ALK: variants seen among roughly 807,000 people sequenced by gnomAD.
ALK encodes ALK receptor tyrosine kinase, also known as ALK tyrosine kinase receptor.
In ALK, 74 loss-of-function variants were observed where a neutral mutation model predicts 163.1. The observed-to-expected ratio is 0.45, with a 90% CI of 0.38 to 0.55. ALK has a LOEUF of 0.55. Ranked by LOEUF, ALK falls within the 20% of genes least tolerant of loss-of-function variation. The probability of loss-of-function intolerance (pLI) is 0.00; values close to 1 mark genes in which losing one functional copy is unlikely to be tolerated. For synonymous variants in ALK, 960 were observed against 843.2 expected, an observed-to-expected ratio of 1.14 and a Z score of -2.40; for missense variants, 2,063 against 2,105.3, an observed-to-expected ratio of 0.98 and a Z score of 0.39.
At chr2:29,475,298 T>C (rs4493213) in intron 4 of ALK, among the ~76,000 whole-genome samples, 127,400 of 152,040 alleles carry the variant, frequency 0.84, 53,706 homozygotes, top group Non-Finnish European at 0.89. Flanking sequence ...AGAGGAAGAC[T>C]GCCCTTTACT....
intron 9 of ALK, among the ~76,000 whole-genome samples, chr2:29,288,979 T>A (rs199741753): frequency 0.079 from 9,695 of 122,406 alleles, 1,128 homozygotes; most frequent in East Asian, 0.11. Flanking sequence ...AATAAATAAA[T>A]AAATAAATAA....
chr2:29,279,151 G>A (rs1316529192), intron 9 of ALK, among the ~76,000 whole-genome samples: 2 of 152,196 alleles, frequency 1.3e-5, no homozygotes, highest in African/African-American at 4.8e-5. Flanking sequence ...GGCTGAGGCT[G>A]GAATGGTTTC....
At chr2:29,586,909 G>A (rs993484879) in intron 3 of ALK, among the ~76,000 whole-genome samples, 1 of 152,160 alleles carries the variant, frequency 6.6e-6, no homozygotes. Context: ...TATTTTTGAA[G>A]ATGTTTAGCT....
chr2:29,444,906 AT>A (rs1458635205), intron 4 of ALK, among the ~76,000 whole-genome samples: 9 of 152,120 alleles, frequency 5.9e-5, no homozygotes, highest in Non-Finnish European at 1.0e-4. Flanking sequence ...GCTTACCCAA[AT>A]TTACAGGATT....
chr2:29,871,747 T>C (rs947285625), intron 1 of ALK, among the ~76,000 whole-genome samples: 1 of 152,148 alleles, frequency 6.6e-6, no homozygotes, highest in Non-Finnish European at 1.5e-5. Context: ...TTATTTTACA[T>C]AGGAGAAAAA....
intron 3 of ALK, among the ~76,000 whole-genome samples, chr2:29,632,177 C>T (rs143432249): frequency 2.0e-5 from 3 of 152,292 alleles, no homozygotes; most frequent in Admixed American, 2.0e-4. Flanking sequence ...TGGTGCAGAG[C>T]TTTGCACAAA....
At chr2:29,415,454 G>A (rs1669852777) in intron 4 of ALK, among the ~76,000 whole-genome samples, 1 of 151,964 alleles carries the variant, frequency 6.6e-6, no homozygotes, top group South Asian at 2.1e-4. Context: ...ACCTAGCCTG[G>A]TATGCTCTCC....
At chr2:29,810,081 TC>T (rs1267452513) in intron 1 of ALK, among the ~76,000 whole-genome samples, 1 of 152,222 alleles carries the variant, frequency 6.6e-6, no homozygotes. Flanking sequence ...GGTAAAATTT[TC>T]TCCTTCACAA....
chr2:29,852,189 T>C (rs890074560), intron 1 of ALK, among the ~76,000 whole-genome samples: 49 of 152,192 alleles, frequency 3.2e-4, no homozygotes, highest in African/African-American at 1.2e-3. Flanking sequence ...GAAGAGGCTA[T>C]GCTAAGGTAG....
At chr2:29,322,797 G>T (rs1477410645) in intron 6 of ALK, among the ~76,000 whole-genome samples, 1 of 152,226 alleles carries the variant, frequency 6.6e-6, no homozygotes, top group African/African-American at 2.4e-5. Flanking sequence ...TTGTGCCACT[G>T]CACTCCAGCC....
chr2:29,364,786 C>T (rs191970879), intron 5 of ALK, among the ~76,000 whole-genome samples: 2 of 152,286 alleles, frequency 1.3e-5, no homozygotes, highest in African/African-American at 4.8e-5. Context: ...CATCATCCAA[C>T]ACTGAGCCCA....
intron 5 of ALK, among the ~76,000 whole-genome samples, chr2:29,376,575 C>T (rs973126416): frequency 6.6e-5 from 10 of 152,218 alleles, no homozygotes; most frequent in African/African-American, 2.4e-4. Flanking sequence ...TGAGTGGATG[C>T]ATGGATGGAT....
chr2:29,828,820 T>TACCC (rs1665278203), intron 1 of ALK, among the ~76,000 whole-genome samples: 2 of 152,126 alleles, frequency 1.3e-5, no homozygotes, highest in Admixed American at 6.5e-5. Context: ...ACTGGGTATA[T>TACCC]ACCCAAAGGA....
intron 5 of ALK, among the ~76,000 whole-genome samples, chr2:29,376,515 T>C (rs956130074): frequency 1.3e-5 from 2 of 152,262 alleles, no homozygotes; most frequent in Non-Finnish European, 2.9e-5. Context: ...TATATTAATG[T>C]TAGCATGTAC....
At chr2:29,746,910 G>C (rs569677338) in intron 1 of ALK, among the ~76,000 whole-genome samples, 141 of 152,302 alleles carry the variant, frequency 9.3e-4, no homozygotes, top group African/African-American at 2.9e-3. Flanking sequence ...TAAGCCATGA[G>C]GATGTTATGC....
intron 3 of ALK, among the ~76,000 whole-genome samples, chr2:29,666,525 T>C (rs368491241): frequency 4.1e-4 from 62 of 152,132 alleles, no homozygotes; most frequent in African/African-American, 1.4e-3. Flanking sequence ...AAACAGGAGA[T>C]TCTGAGACCT....
At chr2:29,828,379 C>A (rs909737400) in intron 1 of ALK, among the ~76,000 whole-genome samples, 2 of 152,154 alleles carry the variant, frequency 1.3e-5, no homozygotes, top group African/African-American at 4.8e-5. Flanking sequence ...AGTGAACAGG[C>A]AACCTACAGA....
At chr2:29,779,152 T>C (rs1681262625) in intron 1 of ALK, among the ~76,000 whole-genome samples, 1 of 150,532 alleles carries the variant, frequency 6.6e-6, no homozygotes, top group East Asian at 2.0e-4. Context: ...CAAGACGCCG[T>C]CTAAAAAAAA....
chr2:29,390,831 A>G (rs1015252431), intron 4 of ALK, among the ~76,000 whole-genome samples: 2 of 152,226 alleles, frequency 1.3e-5, no homozygotes. Context: ...AATTTTCTGT[A>G]ATAATAATTA....
Sources: allele counts gnomAD v4.1 joint callset (sites outside exome capture counted in the v4.1 genomes callset), GRCh38; gene constraint gnomAD v4.1.1; transcripts MANE v1.5; gene names NCBI Gene and HGNC (gene_info 2026-07-23, HGNC 2026-07-21).